Variants in DSCAM observed in about 807,000 individuals in gnomAD.
DSCAM encodes DS cell adhesion molecule.
A neutral mutation model predicts 217.7 loss-of-function variants in DSCAM; 47 were observed. The observed-to-expected ratio is 0.22, with a 90% CI of 0.17 to 0.28. The LOEUF is 0.28. DSCAM is among the 10% of genes least tolerant of loss of function. DSCAM has a pLI of 1.00. For synonymous variants in DSCAM, 1,056 were observed against 1,015.3 expected (o/e 1.04, Z -0.76); for missense variants, 2,080 against 2,618.3 (o/e 0.79, Z 4.49).
chr21:40,162,087 A>G lies in DSCAM; in HGVS notation c.3018+5131T>C, dbSNP rs550519647. On this transcript the variant is annotated intron_variant, in intron 16 of 32. Transcript: ENST00000400454. Reference sequence around the variant, plus strand: ...GAGTTAATATTTATTGAGCATTATTATGCACGAACTACAATCTTGGCACTT... The same window carrying G: ...GAGTTAATATTTATTGAGCATTATTGTGCACGAACTACAATCTTGGCACTT... Among the ~76,000 whole-genome samples, 8 of 152,322 alleles carry G rather than the reference A, an allele frequency of 5.3e-5. 1 individual carries two copies. In the South Asian group the frequency reaches 1.7e-3, roughly 32 times the overall value.
At position 40,656,778 on chromosome 21, in the gene DSCAM, C is replaced by T. The variant is rs556972350; in HGVS notation, c.508+36032G>A. On this transcript the variant is annotated intron_variant, in intron 3 of 32. Transcript: ENST00000400454. ...ATGCCTACTCATTTCAGGCCAATGG[C>T]GAGGAAAGCAAGAAATAGAAATCAA... is the stretch of plus-strand genomic sequence containing the variant. 6.6e-5 allele frequency among the ~76,000 whole-genome samples: 10 copies of T among 152,114 alleles called. 1 individual carries two copies. The highest frequency in any genetic ancestry group is 2.0e-4 in the Admixed American group (3 of 15,274).
chr21:40,127,655 T>G (rs1041305486), intron 19 of DSCAM, among the ~76,000 whole-genome samples: 9 of 152,162 alleles, frequency 5.9e-5, no homozygotes, highest in African/African-American at 2.2e-4. Context: ...TAGACCGACA[T>G]AGTCACAACA....
rs369298688 is a variant in DSCAM, at chr21:40,310,034, C to T, written c.2062+2047G>A. Among the ~76,000 whole-genome samples, 65 of 152,302 alleles carry T rather than the reference C, an allele frequency of 4.3e-4. No homozygotes were observed. In the South Asian group the frequency reaches 0.011, roughly 25 times the overall value. On this transcript the variant is annotated intron_variant, in intron 9 of 32. Transcript: ENST00000400454. ...GGGGGCTGGAACTGAGACTTGGCTACATATTAGAATAAACCTGTGGATTTT... is the reference window on the plus strand; with the variant it reads ...GGGGGCTGGAACTGAGACTTGGCTATATATTAGAATAAACCTGTGGATTTT...
chr21:40,486,317 C>A (rs2076027911), intron 3 of DSCAM, among the ~76,000 whole-genome samples: 1 of 152,158 alleles, frequency 6.6e-6, no homozygotes, highest in Non-Finnish European at 1.5e-5. Context: ...ACTGGCTGGT[C>A]CTTCCCCTCT....
intron 20 of DSCAM, among the ~76,000 whole-genome samples, chr21:40,098,267 C>T (rs1203271208): frequency 6.6e-6 from 1 of 152,128 alleles, no homozygotes. Context: ...AGATATGAAG[C>T]TTGGTTATTA....
chr21:40,044,105 A>C lies in DSCAM; in HGVS notation c.5356T>G (p.Tyr1786Asp). 6.2e-7 allele frequency: 1 copy of C among 1,613,952 alleles called. No individual in the cohort carries two copies. Among genetic ancestry groups the C allele is most frequent in the South Asian group, 1.1e-5 (1 of 91,052 alleles). ...AGSVDKESDS[Y>D]SVSPSQDTDR... The stretch of plus-strand genomic sequence containing the variant: ...GTGTCTTGCGAGGGGCTGACGCTGT[A>C]ACTGTCGCTCTCTTTGTCTACTGAT... The change falls in exon 31 of 33, where the codon TAC (tyrosine) becomes GAC (aspartate). Residue 1786 changes from tyrosine to aspartate, a missense_variant. By Grantham distance (160) the Tyr-to-Asp change is radical. Around this residue, in one of 5 missense-constraint regions of DSCAM, gnomAD observed 1,144 missense variants for 1,421.1 expected, o/e 0.81. Transcript: ENST00000400454.
At chr21:40,786,365 T>C (rs1376054349) in intron 1 of DSCAM, among the ~76,000 whole-genome samples, 1 of 152,074 alleles carries the variant, frequency 6.6e-6, no homozygotes, top group Non-Finnish European at 1.5e-5. Context: ...CATCCACATA[T>C]AAACTTCAGA....
chr21:40,415,706 A>G (rs1665813264), intron 3 of DSCAM, among the ~76,000 whole-genome samples: 1 of 152,138 alleles, frequency 6.6e-6, no homozygotes, highest in Non-Finnish European at 1.5e-5. Context: ...TGGCAAGGTA[A>G]TTGCTGTGAG....
rs71186951 is a variant in DSCAM at position 40,620,366 on chromosome 21, A to AAAAGAAAG, written c.508+72436_508+72443dup. On this transcript the variant is annotated intron_variant, in intron 3 of 32. Transcript: ENST00000400454. ...GAAAGAGAAAGAGAGAGAAAAAAGAAAAAGAAAGAAAGAAAGAAAGAGAAA... is the reference window on the plus strand; with the variant it reads ...GAAAGAGAAAGAGAGAGAAAAAAGAAAAAGAAAGAAAGAAAGAAAGAAAGAAAGAGAAA... Among the ~76,000 whole-genome samples, 19 of 124,726 alleles carry AAAAGAAAG rather than the reference A, an allele frequency of 1.5e-4. 1 individual carries two copies. The highest frequency in any genetic ancestry group is 3.7e-4 in the African/African-American group (12 of 32,054). The allele number at this position is 124,726 out of a possible 152,430, so 81.8% of individuals were successfully genotyped here. A position where few individuals can be genotyped will look rare whatever the true frequency, so the allele number is the denominator to read the frequency against.
intron 2 of DSCAM, among the ~76,000 whole-genome samples, chr21:40,698,639 G>A (rs959478798): frequency 6.6e-6 from 1 of 152,116 alleles, no homozygotes; most frequent in Non-Finnish European, 1.5e-5. Flanking sequence ...TGAGGCCGAG[G>A]TGGGCAGATC....
chr21:40,545,812 C>A (rs544367074), intron 3 of DSCAM, among the ~76,000 whole-genome samples: 3 of 152,316 alleles, frequency 2.0e-5, no homozygotes, highest in African/African-American at 4.8e-5. Flanking sequence ...GTGGCTTCAG[C>A]CCCTAGCCCC....
intron 1 of DSCAM, among the ~76,000 whole-genome samples, chr21:40,843,507 G>A (rs954505719): frequency 6.6e-6 from 1 of 151,886 alleles, no homozygotes; most frequent in Admixed American, 6.6e-5. Flanking sequence ...TCTTCTTTTA[G>A]CAATAATTTT....
Position 40,044,257 on chromosome 21 carries a change from T to A in DSCAM, c.5204A>T (p.Asn1735Ile), listed in dbSNP as rs1031593564. 1 of 1,613,958 alleles carries A rather than the reference T, an allele frequency of 6.2e-7. No individual in the cohort carries two copies. The highest frequency in any genetic ancestry group is 8.5e-7 in the Non-Finnish European group (1 of 1,179,988). ...RPGTNPTTRR[N>I]AKAGPTARNR... ...TCTCGCTGTGGGCCCAGCCTTGGCA[T>A]TCCTCCTGGTGGTGGGATCTGTGAA... Residue 1735 changes from asparagine to isoleucine, a missense_variant, in exon 31 of 33, where the codon AAT becomes ATT. Transcript: ENST00000400454.
intron 26 of DSCAM, 89 bp downstream of exon 26, chr21:40,078,598 C>A: frequency 2.0e-6 from 3 of 1,522,128 alleles, no homozygotes; most frequent in Non-Finnish European, 2.7e-6. Context: ...CAAACTATGG[C>A]AAAGATGATG....
intron 3 of DSCAM, among the ~76,000 whole-genome samples, chr21:40,518,589 C>A (rs866380418): frequency 1.1e-5 from 1 of 87,532 alleles, no homozygotes; most frequent in African/African-American, 6.1e-5. Flanking sequence ...CACACATATA[C>A]ACACACACAT....
At chr21:40,523,679 A>G (rs1264414519) in intron 3 of DSCAM, among the ~76,000 whole-genome samples, 1 of 152,186 alleles carries the variant, frequency 6.6e-6, no homozygotes, top group African/African-American at 2.4e-5. Context: ...GGTACAGCAA[A>G]GCAAGAAATC....
chr21:40,718,048 G>C (rs1448777617), intron 1 of DSCAM, among the ~76,000 whole-genome samples: 2 of 152,168 alleles, frequency 1.3e-5, no homozygotes, highest in Non-Finnish European at 2.9e-5. Flanking sequence ...AGCATCGGTG[G>C]GCAGGGATGT....
intron 20 of DSCAM, among the ~76,000 whole-genome samples, chr21:40,117,670 T>C (rs1352046132): frequency 6.6e-6 from 1 of 152,140 alleles, no homozygotes; most frequent in Non-Finnish European, 1.5e-5. Context: ...AAAAGTCAAA[T>C]GGAACAGAAA....
At chr21:40,178,823 C>T (rs2090761881) in intron 15 of DSCAM, 104 bp downstream of exon 15, 1 of 1,438,654 alleles carries the variant, frequency 7.0e-7, no homozygotes, top group African/African-American at 1.4e-5. Flanking sequence ...TCAAAGACCT[C>T]CGCCTAGCAC....
Sources: gnomAD v4.1 joint callset for allele counts (sites outside exome capture counted in the v4.1 genomes callset) on GRCh38, gnomAD v4.1.1 for gene constraint, gnomAD v4.1.1 regional missense constraint, MANE v1.5 for transcripts, NCBI Gene and HGNC (gene_info 2026-07-23, HGNC 2026-07-21) for gene names.